STAU2: variants seen among roughly 807,000 people sequenced by gnomAD.
STAU2 encodes double-stranded RNA-binding protein Staufen homolog 2.
In STAU2, 20 loss-of-function variants were observed where a neutral mutation model predicts 65.9. That is an observed-to-expected ratio of 0.30 (90% CI 0.21 to 0.44). STAU2 has a LOEUF of 0.44. Among genes scored for constraint, STAU2 ranks in the 20% least tolerant of loss-of-function variants. The pLI is 1.00. For missense variants in STAU2, 558 were observed against 683.9 expected (o/e 0.82, Z 2.05); for synonymous variants, 232 against 233.9 (o/e 0.99, Z 0.07).
intron 12 of STAU2, among the ~76,000 whole-genome samples, chr8:73,574,716 T>C (rs1164448662): frequency 1.3e-5 from 2 of 152,030 alleles, no homozygotes; most frequent in African/African-American, 4.8e-5. Context: ...ATGAGAATAC[T>C]TGGACACAGG....
intron 4 of STAU2, among the ~76,000 whole-genome samples, chr8:73,689,168 A>G (rs1819152042): frequency 6.6e-6 from 1 of 152,232 alleles, no homozygotes; most frequent in Non-Finnish European, 1.5e-5. Context: ...AGAGAAGCCA[A>G]AAGACCATGT....
At chr8:73,550,551 T>C (rs1807260022) in intron 13 of STAU2, 4 of 983,450 alleles carry the variant, frequency 4.1e-6, no homozygotes, top group Non-Finnish European at 4.8e-6. Context: ...AGTTAATTTC[T>C]TTTCATCACA....
chr8:73,540,108 A>C (rs566978209), intron 13 of STAU2, among the ~76,000 whole-genome samples: 1 of 152,308 alleles, frequency 6.6e-6, no homozygotes, highest in South Asian at 2.1e-4. Flanking sequence ...GATATATCCA[A>C]GTGTGTAGCC....
At chr8:73,480,224 C>G (rs1036091031) in intron 13 of STAU2, among the ~76,000 whole-genome samples, 10 of 152,148 alleles carry the variant, frequency 6.6e-5, no homozygotes, top group African/African-American at 2.4e-4. Context: ...GGAATAGTCC[C>G]ATTCCCTGAA....
chr8:73,518,897 A>C (rs1299018043), intron 13 of STAU2, among the ~76,000 whole-genome samples: 1 of 152,204 alleles, frequency 6.6e-6, no homozygotes, highest in Non-Finnish European at 1.5e-5. Context: ...TTCTAAGATC[A>C]AGGGACAAGT....
intron 13 of STAU2, among the ~76,000 whole-genome samples, chr8:73,514,769 T>C (rs1822613746): frequency 6.6e-6 from 1 of 152,216 alleles, no homozygotes; most frequent in Non-Finnish European, 1.5e-5. Context: ...ATATGTTTTA[T>C]TTTTTCTCCA....
chr8:73,741,262 G>A (rs1380623517), intron 1 of STAU2, among the ~76,000 whole-genome samples: 3 of 141,912 alleles, frequency 2.1e-5, no homozygotes, highest in South Asian at 2.2e-4. Context: ...CCAAGATCGC[G>A]CCACTGCACT....
intron 13 of STAU2, among the ~76,000 whole-genome samples, chr8:73,544,935 T>A (rs1806799528): frequency 6.6e-6 from 1 of 152,132 alleles, no homozygotes; most frequent in Non-Finnish European, 1.5e-5. Context: ...TGACCATAAC[T>A]CCCCGAGTCC....
intron 13 of STAU2, among the ~76,000 whole-genome samples, chr8:73,536,931 T>C (rs373446854): frequency 2.6e-5 from 4 of 152,136 alleles, no homozygotes; most frequent in African/African-American, 7.2e-5. Flanking sequence ...TAATCTCAAC[T>C]TGAATGAGAA....
At chr8:73,711,650 T>C (rs1217832046) in intron 3 of STAU2, among the ~76,000 whole-genome samples, 1 of 152,182 alleles carries the variant, frequency 6.6e-6, no homozygotes, top group Non-Finnish European at 1.5e-5. Context: ...AATGGTTCAT[T>C]TATAATGAAC....
At chr8:73,687,775 G>C (rs996341371) in intron 5 of STAU2, among the ~76,000 whole-genome samples, 2 of 151,594 alleles carry the variant, frequency 1.3e-5, no homozygotes, top group African/African-American at 4.8e-5. Flanking sequence ...GCAGTGGCAC[G>C]ATCTTGGCTC....
intron 13 of STAU2, among the ~76,000 whole-genome samples, chr8:73,432,306 A>G (rs1017441105): frequency 6.6e-6 from 1 of 152,180 alleles, no homozygotes; most frequent in Non-Finnish European, 1.5e-5. Context: ...TCCTTTCACA[A>G]GGAAATGAGA....
chr8:73,598,889 A>C (rs1341815543), intron 10 of STAU2, among the ~76,000 whole-genome samples: 1 of 152,210 alleles, frequency 6.6e-6, no homozygotes, highest in Non-Finnish European at 1.5e-5. Context: ...AAATATTAAA[A>C]AGATAACATT....
intron 5 of STAU2, among the ~76,000 whole-genome samples, chr8:73,678,873 A>C (rs943934048): frequency 6.6e-6 from 1 of 152,192 alleles, no homozygotes; most frequent in African/African-American, 2.4e-5. Flanking sequence ...TCAGAAAGCC[A>C]TGGATTCTGC....
chr8:73,480,663 C>T (rs1820558560), intron 13 of STAU2, among the ~76,000 whole-genome samples: 1 of 152,100 alleles, frequency 6.6e-6, no homozygotes, highest in African/African-American at 2.4e-5. Context: ...CAGGTAATGC[C>T]TGTGAGAGAC....
At chr8:73,579,710 A>G (rs1809846958) in intron 12 of STAU2, among the ~76,000 whole-genome samples, 1 of 152,200 alleles carries the variant, frequency 6.6e-6, no homozygotes, top group Non-Finnish European at 1.5e-5. Flanking sequence ...CAACATAACT[A>G]TTACAGTGAT....
chr8:73,533,823 A>G (rs1805998573), intron 13 of STAU2, among the ~76,000 whole-genome samples: 1 of 152,202 alleles, frequency 6.6e-6, no homozygotes, highest in African/African-American at 2.4e-5. Context: ...ATGAGGGGCC[A>G]TCCAAATAAA....
At chr8:73,735,377 G>A (rs1274383286) in intron 3 of STAU2, among the ~76,000 whole-genome samples, 2 of 152,118 alleles carry the variant, frequency 1.3e-5, no homozygotes, top group African/African-American at 4.8e-5. Flanking sequence ...CAGTTTGGGG[G>A]ATGACAGTTA....
chr8:73,515,729 C>T (rs1822663319), intron 13 of STAU2, among the ~76,000 whole-genome samples: 1 of 149,870 alleles, frequency 6.7e-6, no homozygotes, highest in Admixed American at 6.6e-5. Context: ...GATAAGGAGA[C>T]TCTGACTTCA....
Sources: allele counts gnomAD v4.1 joint callset (sites outside exome capture counted in the v4.1 genomes callset), GRCh38; gene constraint gnomAD v4.1.1; transcripts MANE v1.5; gene names NCBI Gene and HGNC (gene_info 2026-07-23, HGNC 2026-07-21).